The following GPD2 variants were observed in gnomAD, a reference collection of about 807,000 sequenced individuals.
GPD2 encodes glycerol-3-phosphate dehydrogenase 2.
In GPD2, 54 loss-of-function variants were observed where a neutral mutation model predicts 82.4. That is an observed-to-expected ratio of 0.66 (90% CI 0.53 to 0.82). GPD2 has a LOEUF of 0.82. Ranked by LOEUF, GPD2 falls within the 40% of genes least tolerant of loss-of-function variation. The pLI is 0.00. For missense variants in GPD2, 748 were observed against 896.2 expected, an observed-to-expected ratio of 0.83 and a Z score of 2.11; for synonymous variants, 288 against 306.1, an observed-to-expected ratio of 0.94 and a Z score of 0.62.
At chr2:156,415,012 G>A in the GPD2 span, among the ~76,000 whole-genome samples, 6 of 151,968 alleles carry the variant, frequency 3.9e-5, no homozygotes, top group Non-Finnish European at 8.8e-5. Context: ...GGTTATTGGG[G>A]TTACGTAAAT....
the GPD2 span, among the ~76,000 whole-genome samples, chr2:156,424,846 T>A: frequency 1.3e-5 from 2 of 152,216 alleles, no homozygotes; most frequent in Admixed American, 6.5e-5. Context: ...TTACCACTTT[T>A]ATTTATGCTA....
rs188590239 is a variant in GPD2, at chr2:156,545,316, A to G, written c.662-4292A>G. ...GGGAGCTGCCAGAGAGGTCACTGTG[A>G]CACTCTCAGTCTGAGACAATGAAGC... On this transcript the variant is annotated intron_variant, in intron 6 of 16. Coordinates refer to ENST00000438166, the MANE Select transcript of GPD2 (RefSeq NM_000408.5). Among the ~76,000 whole-genome samples, 33 of 152,338 alleles carry G rather than the reference A, an allele frequency of 2.2e-4. No homozygotes were observed. In the East Asian group the frequency reaches 5.6e-3, roughly 26 times the overall value.
At chr2:156,411,139 T>A in the GPD2 span, among the ~76,000 whole-genome samples, 1 of 152,062 alleles carries the variant, frequency 6.6e-6, no homozygotes, top group Admixed American at 6.6e-5. Flanking sequence ...AGTTAACAGA[T>A]GAAAAAACAA....
chr2:156,570,553 T>G (rs556511541), intron 12 of GPD2, among the ~76,000 whole-genome samples: 73 of 152,294 alleles, frequency 4.8e-4, no homozygotes, highest in African/African-American at 1.7e-3. Context: ...ACATATCTTG[T>G]GACAGTTTCT....
intron 1 of GPD2, among the ~76,000 whole-genome samples, chr2:156,448,580 T>TG (rs1272351691): frequency 6.6e-6 from 1 of 152,224 alleles, no homozygotes; most frequent in Non-Finnish European, 1.5e-5. Context: ...TTGAATAATT[T>TG]GGGAAGGCCT....
At chr2:156,576,744 A>C (rs564203936) in intron 13 of GPD2, among the ~76,000 whole-genome samples, 103 of 152,336 alleles carry the variant, frequency 6.8e-4, no homozygotes, top group African/African-American at 2.3e-3. Flanking sequence ...TTGAAATTCC[A>C]TAATTCCTTG....
At chr2:156,456,203 GTTGT>G (rs764712300) in intron 1 of GPD2, among the ~76,000 whole-genome samples, 148 of 152,290 alleles carry the variant, frequency 9.7e-4, no homozygotes, top group African/African-American at 3.0e-3. Context: ...TGATTTTCTG[GTTGT>G]TTAATTGGGC....
chr2:156,475,889 C>T (rs1683493649), intron 1 of GPD2, among the ~76,000 whole-genome samples: 1 of 152,140 alleles, frequency 6.6e-6, no homozygotes, highest in Non-Finnish European at 1.5e-5. Context: ...CAGAAAGTAA[C>T]TTTTATGTGA....
intron 2 of GPD2, among the ~76,000 whole-genome samples, chr2:156,489,888 C>A (rs1345009758): frequency 2.8e-5 from 4 of 144,412 alleles, no homozygotes; most frequent in South Asian, 4.6e-4. Context: ...CCCTCCCCTC[C>A]CCTCCTTCCT....
At chr2:156,433,447 G>C (rs1196827111), upstream of GPD2, among the ~76,000 whole-genome samples, 1 of 152,108 alleles carries the variant, frequency 6.6e-6, no homozygotes, top group South Asian at 2.1e-4. Context: ...AACTGACTTA[G>C]TGCAAGAAGA....
chr2:156,572,519 T>C (rs566420156), intron 13 of GPD2, among the ~76,000 whole-genome samples: 3 of 152,128 alleles, frequency 2.0e-5, no homozygotes, highest in Non-Finnish European at 4.4e-5. Flanking sequence ...AGTTTATTAA[T>C]ACAAATCCAG....
chr2:156,482,769 ATAC>A (rs1359066432), intron 2 of GPD2, among the ~76,000 whole-genome samples: 4 of 152,156 alleles, frequency 2.6e-5, no homozygotes, highest in Non-Finnish European at 5.9e-5. Flanking sequence ...GGCTTAGGAA[ATAC>A]TATAGTTCAC....
chr2:156,578,841 A>G (rs753599027), intron 13 of GPD2, 48 bp from the exon 14 acceptor site: 1 of 1,102,472 alleles, frequency 9.1e-7, no homozygotes, highest in Non-Finnish European at 1.4e-6. Context: ...GAGGAAAAAA[A>G]TCAATATTTC....
chr2:156,401,101 G>C, the GPD2 span, among the ~76,000 whole-genome samples: 1 of 152,174 alleles, frequency 6.6e-6, no homozygotes, highest in African/African-American at 2.4e-5. Flanking sequence ...TGAACTTTGA[G>C]GCTCCTGTGT....
intron 3 of GPD2, among the ~76,000 whole-genome samples, chr2:156,508,195 T>TAACTCGCA: frequency 6.6e-6 from 1 of 152,178 alleles, no homozygotes; most frequent in Non-Finnish European, 1.5e-5. Context: ...TGCTTTCTAA[T>TAACTCGCA]AACTCGCATG....
At chr2:156,417,335 A>T in the GPD2 span, among the ~76,000 whole-genome samples, 1 of 152,202 alleles carries the variant, frequency 6.6e-6, no homozygotes, top group African/African-American at 2.4e-5. Context: ...GATCACTGAA[A>T]TGTTACCAAA....
intron 6 of GPD2, among the ~76,000 whole-genome samples, chr2:156,521,280 T>C (rs1329121583): frequency 1.3e-5 from 2 of 152,202 alleles, no homozygotes; most frequent in African/African-American, 4.8e-5. Flanking sequence ...TTGTAAGCAT[T>C]GCAATCATAC....
rs1688197612 is a variant in GPD2 at position 156,585,817 on chromosome 2, T to C, written c.*2899T>C. 6.6e-6 allele frequency: 1 copy of C among 152,534 alleles called. No individual in the cohort carries two copies. The highest frequency in any genetic ancestry group is 6.6e-5 in the Admixed American group (1 of 15,248). 9.4% of individuals were successfully genotyped at this position (152,534 alleles called of 1,614,324 possible). ...TATAACTTGCGATGTTTGCATCATG[T>C]CAACCTTTTTGAAGGAGTGAAAAAG... is the stretch of plus-strand genomic sequence containing the variant. On this transcript the variant is annotated 3_prime_UTR_variant, in exon 17 of 17. Transcript: ENST00000438166.
intron 1 of GPD2, among the ~76,000 whole-genome samples, chr2:156,452,530 A>G (rs1009067279): frequency 1.3e-5 from 2 of 152,174 alleles, no homozygotes; most frequent in Non-Finnish European, 2.9e-5. Flanking sequence ...GAGGGAGACC[A>G]TGGAAAGAGA....
Sources: allele counts gnomAD v4.1 joint callset (sites outside exome capture counted in the v4.1 genomes callset), GRCh38; gene constraint gnomAD v4.1.1; transcripts MANE v1.5; gene names NCBI Gene and HGNC (gene_info 2026-07-23, HGNC 2026-07-21).